Variants in SYNPO2 observed in about 807,000 individuals in gnomAD.
SYNPO2 encodes the protein synaptopodin 2.
Under a neutral mutation model 85.0 loss-of-function variants are expected in SYNPO2, and 56 were observed. That is an observed-to-expected ratio of 0.66 (90% CI 0.53 to 0.82). The LOEUF (loss-of-function observed/expected upper bound fraction) is 0.82. Among genes scored for constraint, SYNPO2 ranks in the 40% least tolerant of loss-of-function variants. SYNPO2 has a pLI of 0.00. For missense variants in SYNPO2, 1,575 were observed against 1,534.2 expected (o/e 1.03, Z -0.44); for synonymous variants, 602 against 591.1 (o/e 1.02, Z -0.27).
rs1412594942 is a variant in SYNPO2, at chr4:119,031,812, G to A, written c.3037G>A (p.Ala1013Thr). 6.2e-7 allele frequency: 1 copy of A among 1,614,216 alleles called. No individual in the cohort carries two copies. Among genetic ancestry groups the A allele is most frequent in the East Asian group, 2.2e-5 (1 of 44,888 alleles). ...KQALPPRPVN[A>T]ASPTNVQASS... is the part of the protein sequence containing the mutation. ...AGCTCTTCCTCCCCGGCCAGTGAATGCTGCCTCACCTACGAATGTGCAGGC... is the reference window on the plus strand; with the variant it reads ...AGCTCTTCCTCCCCGGCCAGTGAATACTGCCTCACCTACGAATGTGCAGGC... Residue 1013 changes from alanine (A) to threonine (T), a missense_variant, in exon 4 of 5, where the codon GCT (alanine) becomes ACT (threonine). Physicochemically the swap from Ala to Thr is moderately conservative, Grantham distance 58 (BLOSUM62 0). Around this residue, in one of 3 missense-constraint regions of SYNPO2, gnomAD observed 1,508 missense variants for 1,446.8 expected, o/e 1.04. Coordinates refer to ENST00000307142, the MANE Select transcript of SYNPO2 (RefSeq NM_133477.3).
chr4:118,914,693 C>T (rs894333855), intron 1 of SYNPO2, among the ~76,000 whole-genome samples: 8 of 151,752 alleles, frequency 5.3e-5, no homozygotes, highest in Non-Finnish European at 1.0e-4. Flanking sequence ...GACATAGAGT[C>T]TAGATAATTA....
intron 1 of SYNPO2, among the ~76,000 whole-genome samples, chr4:118,982,051 C>A (rs961027403): frequency 1.3e-5 from 2 of 152,058 alleles, no homozygotes; most frequent in African/African-American, 4.8e-5. Flanking sequence ...GTGTCACAGG[C>A]ACATCACTGT....
rs372386232 is a variant in SYNPO2, at chr4:118,981,638, A to G, written c.106-41792A>G. 1.8e-4 allele frequency among the ~76,000 whole-genome samples: 27 copies of G among 152,232 alleles called. No homozygotes were observed. The East Asian group carries it at 5.0e-3, about 28-fold the overall frequency. On this transcript the variant is annotated intron_variant, in intron 1 of 4. Transcript: ENST00000307142. ...GGGGGTTGCCCTAGAGGAGCTGAGG[A>G]TTGGCCCCAAAGGCATAAGGGGGCC...
Position 118,890,551 on chromosome 4 carries a change from G to A in SYNPO2, c.105+1410G>A, listed in dbSNP as rs183791327. 1.4e-3 allele frequency among the ~76,000 whole-genome samples: 199 copies of A among 145,318 alleles called. 3 individuals are homozygous for A. Among genetic ancestry groups the A allele is most frequent in the Non-Finnish European group, 1.9e-4 (13 of 67,552 alleles). Reference sequence around the variant, plus strand: ...ATGAATGCCCAATTTAGCATATGTAGAATTCATGACACTGAAGCAGATTTG... The same window carrying A: ...ATGAATGCCCAATTTAGCATATGTAAAATTCATGACACTGAAGCAGATTTG... On this transcript the variant is annotated intron_variant, in intron 1 of 4. Transcript: ENST00000307142.
intron 1 of SYNPO2, among the ~76,000 whole-genome samples, chr4:118,934,996 G>A (rs1426508157): frequency 6.6e-6 from 1 of 152,072 alleles, no homozygotes; most frequent in Non-Finnish European, 1.5e-5. Context: ...AATATTAATA[G>A]TTAAGATAGT....
chr4:118,898,273 C>A (rs2892831), intron 1 of SYNPO2, among the ~76,000 whole-genome samples: 2 of 151,964 alleles, frequency 1.3e-5, no homozygotes, highest in Admixed American at 6.6e-5. Context: ...TCAGTAGCCC[C>A]TATTCCATTT....
chr4:118,969,745 C>T (rs1337702274), intron 1 of SYNPO2, among the ~76,000 whole-genome samples: 1 of 149,392 alleles, frequency 6.7e-6, no homozygotes, highest in Non-Finnish European at 1.5e-5. Flanking sequence ...ATGAAAATAG[C>T]TGTTATTTTG....
At chr4:118,955,089 T>G (rs1388246003) in intron 1 of SYNPO2, among the ~76,000 whole-genome samples, 1 of 148,732 alleles carries the variant, frequency 6.7e-6, no homozygotes, top group African/African-American at 2.5e-5. Context: ...AATCTCTGCC[T>G]CCCGGGTTCA....
chr4:118,887,371 T>A (rs918989355), upstream of SYNPO2, among the ~76,000 whole-genome samples: 7 of 152,172 alleles, frequency 4.6e-5, no homozygotes, highest in African/African-American at 1.7e-4. Flanking sequence ...ATAAAATATA[T>A]GTTAATCACA....
intron 1 of SYNPO2, among the ~76,000 whole-genome samples, chr4:118,914,881 A>G (rs957621835): frequency 3.9e-4 from 60 of 151,990 alleles, no homozygotes; most frequent in Non-Finnish European, 7.6e-4. Flanking sequence ...TTGTAGCAAA[A>G]CTAGTGGAGT....
intron 1 of SYNPO2, among the ~76,000 whole-genome samples, chr4:118,861,060 T>G (rs1021783797): frequency 2.0e-5 from 3 of 152,226 alleles, no homozygotes; most frequent in African/African-American, 7.2e-5. Context: ...TCTATTTTTG[T>G]TTTGGTTGCC....
At chr4:119,020,999 A>G (rs1384203304) in intron 1 of SYNPO2, among the ~76,000 whole-genome samples, 1 of 152,124 alleles carries the variant, frequency 6.6e-6, no homozygotes, top group East Asian at 1.9e-4. Context: ...AATATTTTCT[A>G]ATAAATTAGT....
At chr4:119,017,095 G>C (rs992288384) in intron 1 of SYNPO2, among the ~76,000 whole-genome samples, 1 of 152,148 alleles carries the variant, frequency 6.6e-6, no homozygotes, top group Non-Finnish European at 1.5e-5. Context: ...CATGAGAACA[G>C]GTTATGAGCT....
In SYNPO2 at chr4:118,889,441, G is replaced by A. The variant is rs146390554; in HGVS notation, c.105+300G>A. 2.6e-3 allele frequency among the ~76,000 whole-genome samples: 401 copies of A among 152,208 alleles called. 1 individual carries two copies. The highest frequency in any genetic ancestry group is 9.1e-3 in the African/African-American group (376 of 41,508). The stretch of plus-strand genomic sequence containing the variant: ...GACAACAAGCAAGACACTGGGGAGC[G>A]TTTCTTCCAGGCAATTTTAGAATGT... On this transcript the variant is annotated intron_variant, in intron 1 of 4. Transcript: ENST00000307142.
At chr4:118,983,680 A>G (rs937090723) in intron 1 of SYNPO2, among the ~76,000 whole-genome samples, 1 of 152,134 alleles carries the variant, frequency 6.6e-6, no homozygotes, top group African/African-American at 2.4e-5. Flanking sequence ...TTCAGTACTC[A>G]GCCCCTTTAT....
At chr4:118,909,483 A>C (rs1336673972) in intron 1 of SYNPO2, among the ~76,000 whole-genome samples, 2 of 152,146 alleles carry the variant, frequency 1.3e-5, no homozygotes, top group African/African-American at 2.4e-5. Context: ...AGTACGTGGG[A>C]ACTTAGGAAC....
chr4:118,975,233 A>G (rs1578602748), intron 1 of SYNPO2, among the ~76,000 whole-genome samples: 1 of 152,218 alleles, frequency 6.6e-6, no homozygotes, highest in African/African-American at 2.4e-5. Context: ...AAAGACCAGC[A>G]CACAGAGTAA....
chr4:118,962,988 G>C (rs992103801), intron 1 of SYNPO2, among the ~76,000 whole-genome samples: 2 of 152,190 alleles, frequency 1.3e-5, no homozygotes, highest in African/African-American at 4.8e-5. Flanking sequence ...TTGCCTGGTG[G>C]TGGTATATTT....
intron 4 of SYNPO2, among the ~76,000 whole-genome samples, 171 bp from the exon 5 acceptor site, chr4:119,057,230 G>T (rs945341784): frequency 1.3e-5 from 2 of 152,170 alleles, no homozygotes; most frequent in Non-Finnish European, 1.5e-5. Flanking sequence ...TGCAAAGGTG[G>T]GGACAGGCAG....
Sources: allele counts gnomAD v4.1 joint callset (sites outside exome capture counted in the v4.1 genomes callset), GRCh38; gene constraint gnomAD v4.1.1; regional missense constraint gnomAD v4.1.1; transcripts MANE v1.5; gene names NCBI Gene and HGNC (gene_info 2026-07-23, HGNC 2026-07-21).